Variants in RSU1 observed in about 807,000 individuals in gnomAD.
RSU1 encodes Ras suppressor protein 1, also known as rsu-1.
A neutral mutation model predicts 31.1 loss-of-function variants in RSU1; 26 were observed. The observed-to-expected ratio is 0.84, with a 90% CI of 0.61 to 1.16. The LOEUF is 1.16. RSU1 is among the 50% of genes most tolerant of loss of function. The pLI is 0.00. For synonymous variants in RSU1, 164 were observed against 136.3 expected (o/e 1.20, Z -1.41); for missense variants, 320 against 339.1 (o/e 0.94, Z 0.44).
intron 8 of RSU1, among the ~76,000 whole-genome samples, chr10:16,603,169 T>C (rs976676541): frequency 6.6e-6 from 1 of 152,152 alleles, no homozygotes; most frequent in African/African-American, 2.4e-5. Context: ...AGAAAGAAAG[T>C]ATAAACATAC....
chr10:16,744,142 A>AAG (rs1473584983), intron 7 of RSU1, among the ~76,000 whole-genome samples: 1 of 151,974 alleles, frequency 6.6e-6, no homozygotes, highest in African/African-American at 2.4e-5. Flanking sequence ...AAAAAAAAAA[A>AAG]AAAGAAAGAA....
In RSU1 at chr10:16,695,160, G is replaced by T. The variant is rs570985776; in HGVS notation, c.599-5C>A. On this transcript the variant is annotated splice_region_variant and splice_polypyrimidine_tract_variant and intron_variant, in intron 7 of 8. Coordinates refer to ENST00000345264, the MANE Select transcript of RSU1 (RefSeq NM_012425.4). ...GGCCAGTTAAATCCAAGTTTCCTGG[G>T]GGGGGGGAAAAAAAAAGTGAAGGTC... 127 of 1,476,338 alleles carry T rather than the reference G, an allele frequency of 8.6e-5. 1 individual carries two copies. The African/African-American group carries it at 1.4e-3, about 17-fold the overall frequency. 91.5% of individuals were successfully genotyped at this position (1,476,338 alleles called of 1,614,324 possible). A position where few individuals can be genotyped will look rare whatever the true frequency, so the allele number is the denominator to read the frequency against.
chr10:16,790,053 G>T (rs1030759422), intron 2 of RSU1, among the ~76,000 whole-genome samples: 3 of 152,168 alleles, frequency 2.0e-5, no homozygotes, highest in African/African-American at 7.2e-5. Flanking sequence ...TGTGGGGTGT[G>T]GGGGCAGGGT....
In RSU1 at chr10:16,702,391, C is replaced by T. The variant is rs376110944; in HGVS notation, c.599-7236G>A. 2.2e-3 allele frequency among the ~76,000 whole-genome samples: 329 copies of T among 152,320 alleles called. 2 individuals carry two copies. Among genetic ancestry groups the T allele is most frequent in the Middle Eastern group, 3.4e-3 (1 of 294 alleles). On this transcript the variant is annotated intron_variant, in intron 7 of 8. Coordinates refer to ENST00000345264, the MANE Select transcript of RSU1 (RefSeq NM_012425.4). ...TCCACTGACAGGCTGAACCCTGCAC[C>T]GGGAAAAGCTGCAGGCACTCAACGC...
At chr10:16,756,099 T>A (rs1405883622) in intron 4 of RSU1, among the ~76,000 whole-genome samples, 1 of 152,174 alleles carries the variant, frequency 6.6e-6, no homozygotes, top group East Asian at 1.9e-4. Context: ...TATTCCTTTT[T>A]TGGAGGGAAA....
chr10:16,702,980 T>A (rs115876235), intron 7 of RSU1, among the ~76,000 whole-genome samples: 1 of 152,176 alleles, frequency 6.6e-6, no homozygotes, highest in Non-Finnish European at 1.5e-5. Flanking sequence ...TCATGAATGA[T>A]TTAGCAACAT....
intron 4 of RSU1, among the ~76,000 whole-genome samples, chr10:16,757,959 C>A (rs539885762): frequency 6.6e-6 from 1 of 152,232 alleles, no homozygotes; most frequent in African/African-American, 2.4e-5. Flanking sequence ...AGAGGCATCT[C>A]ACCTGAGAGA....
intron 7 of RSU1, among the ~76,000 whole-genome samples, chr10:16,744,894 G>T (rs3780987): frequency 6.6e-6 from 1 of 151,784 alleles, no homozygotes; most frequent in South Asian, 2.1e-4. Context: ...CTTTTCCCTC[G>T]CTTTTCTCTT....
At chr10:16,712,149 C>T (rs186345515) in intron 7 of RSU1, among the ~76,000 whole-genome samples, 2 of 152,218 alleles carry the variant, frequency 1.3e-5, no homozygotes, top group East Asian at 1.9e-4. Context: ...TATAGCTACT[C>T]CTGCTCACTT....
At chr10:16,641,423 C>G (rs1034594711) in intron 8 of RSU1, among the ~76,000 whole-genome samples, 1 of 149,786 alleles carries the variant, frequency 6.7e-6, no homozygotes, top group African/African-American at 2.5e-5. Flanking sequence ...ACCCAAGAGG[C>G]GGAGGTTGCA....
intron 7 of RSU1, among the ~76,000 whole-genome samples, chr10:16,724,307 C>T (rs1306685340): frequency 1.3e-5 from 2 of 152,128 alleles, no homozygotes; most frequent in Non-Finnish European, 1.5e-5. Context: ...CTAAAATCTA[C>T]TGTGAAAGAG....
At chr10:16,605,260 C>G (rs186740781) in intron 8 of RSU1, among the ~76,000 whole-genome samples, 119 of 152,258 alleles carry the variant, frequency 7.8e-4, no homozygotes, top group African/African-American at 2.6e-3. Context: ...TCTTTGACTA[C>G]GTTCATTTCC....
intron 7 of RSU1, among the ~76,000 whole-genome samples, chr10:16,731,254 C>A (rs1836505723): frequency 1.3e-5 from 2 of 151,812 alleles, no homozygotes; most frequent in African/African-American, 4.8e-5. Context: ...CAAATGAAAC[C>A]CCGTCTCTAC....
intron 8 of RSU1, among the ~76,000 whole-genome samples, chr10:16,626,303 G>A (rs1028816016): frequency 1.3e-5 from 2 of 151,756 alleles, no homozygotes; most frequent in Non-Finnish European, 2.9e-5. Context: ...CTCCCACCTA[G>A]GCCTCCTGAG....
chr10:16,758,786 T>G (rs1837147243), intron 4 of RSU1, among the ~76,000 whole-genome samples: 1 of 152,228 alleles, frequency 6.6e-6, no homozygotes, highest in African/African-American at 2.4e-5. Flanking sequence ...GCTCACCTCA[T>G]GACAAGCCAC....
At chr10:16,647,398 G>T (rs1256165096) in intron 8 of RSU1, among the ~76,000 whole-genome samples, 1 of 152,164 alleles carries the variant, frequency 6.6e-6, no homozygotes. Flanking sequence ...CCACTCCTAG[G>T]TACACGCCCA....
intron 2 of RSU1, among the ~76,000 whole-genome samples, chr10:16,801,203 T>C (rs1336576378): frequency 6.6e-6 from 1 of 151,688 alleles, no homozygotes; most frequent in Non-Finnish European, 1.5e-5. Flanking sequence ...GAAAGAGATA[T>C]GACGCTAAAC....
intron 3 of RSU1, among the ~76,000 whole-genome samples, chr10:16,765,578 G>A (rs1439743407): frequency 6.6e-6 from 1 of 152,178 alleles, no homozygotes; most frequent in Non-Finnish European, 1.5e-5. Flanking sequence ...AGCACAAACT[G>A]TAAATTGGCA....
intron 8 of RSU1, among the ~76,000 whole-genome samples, chr10:16,594,272 C>T (rs951602622): frequency 6.6e-6 from 1 of 152,168 alleles, no homozygotes; most frequent in African/African-American, 2.4e-5. Context: ...CTCCACAGCC[C>T]GCAGTTGCTG....
Sources: allele counts gnomAD v4.1 joint callset (sites outside exome capture counted in the v4.1 genomes callset), GRCh38; gene constraint gnomAD v4.1.1; transcripts MANE v1.5; gene names NCBI Gene and HGNC (gene_info 2026-07-23, HGNC 2026-07-21).